Variants in STKLD1 observed in about 807,000 individuals in gnomAD.
STKLD1 encodes the protein serine/threonine kinase-like domain-containing protein STKLD1.
A neutral mutation model predicts 80.4 loss-of-function variants in STKLD1; 79 were observed. That is an observed-to-expected ratio of 0.98 (90% CI 0.82 to 1.19). The LOEUF (loss-of-function observed/expected upper bound fraction) is 1.19, where lower values mean the gene tolerates loss of function less well. Among genes scored for constraint, STKLD1 ranks in the 50% most tolerant of loss-of-function variants. STKLD1 has a pLI of 0.00. For missense variants in STKLD1, 841 were observed against 856.0 expected, an observed-to-expected ratio of 0.98 and a Z score of 0.22; for synonymous variants, 393 against 357.6, an observed-to-expected ratio of 1.10 and a Z score of -1.12.
In STKLD1 at chr9:133,379,471, A is replaced by G. The variant is rs2130261102; in HGVS notation, c.174+349A>G. 1.3e-5 allele frequency among the ~76,000 whole-genome samples: 2 copies of G among 152,368 alleles called. 1 individual carries two copies. The highest frequency in any genetic ancestry group is 6.8e-3 in the Middle Eastern group (2 of 294). On this transcript the variant is annotated intron_variant, in intron 2 of 17. Coordinates refer to ENST00000371957, the MANE Select transcript of STKLD1 (RefSeq NM_153710.5). ...ACAGTGAGGCTCAATGCAGCGCCAG[A>G]CTAGGCAAGGTCACACAATTTCCAA...
chr9:133,400,289 T>C lies in STKLD1; in HGVS notation c.1082-124T>C, dbSNP rs1331033402. 4.3e-6 allele frequency: 3 copies of C among 696,768 alleles called. No individual in the cohort carries two copies. In the Admixed American group the frequency reaches 6.3e-5, roughly 15 times the overall value. 43.2% of individuals were successfully genotyped at this position (696,768 alleles called of 1,614,324 possible). The stretch of plus-strand genomic sequence containing the variant: ...ACCTAGCGCTAATCCTCATTGTCCT[T>C]CCCCCTTCTATTCACCCACCTAGGG... On this transcript the variant is annotated intron_variant, in intron 11 of 17. Coordinates refer to ENST00000371957, the MANE Select transcript of STKLD1 (RefSeq NM_153710.5).
Position 133,385,623 on chromosome 9 carries a change from C to G in STKLD1, c.226C>G (p.Pro76Ala). 6.2e-7 allele frequency: 1 copy of G among 1,613,296 alleles called. No individual in the cohort carries two copies. Among genetic ancestry groups the G allele is most frequent in the South Asian group, 1.1e-5 (1 of 91,084 alleles). Reference protein sequence around the residue: ...YASQALEELMPLLKLRHAHIS... With the variant: ...YASQALEELMALLKLRHAHIS... The stretch of plus-strand genomic sequence containing the variant: ...CTCTGCTCTATCCTGGCAGCTGATG[C>G]CACTGCTGAAGCTGCGGCACGCCCA... The change falls in exon 4 of 18, where the codon CCA becomes GCA. Residue 76 changes from proline to alanine, a missense_variant. By Grantham distance (27) the Pro-to-Ala change is conservative (BLOSUM62 -1). Coordinates refer to ENST00000371957, the MANE Select transcript of STKLD1 (RefSeq NM_153710.5). The surrounding 1 kb of genome is among the most constrained non-coding windows in gnomAD (Gnocchi z 4.9).
chr9:133,381,368 C>T (rs2130265907), intron 2 of STKLD1, among the ~76,000 whole-genome samples: 11 of 151,166 alleles, frequency 7.3e-5, no homozygotes, highest in African/African-American at 2.4e-4. Flanking sequence ...AGGCTGGTCT[C>T]GAACTCCCGA....
At chr9:133,400,186 C>T (rs1253277953) in intron 11 of STKLD1, among the ~76,000 whole-genome samples, 1 of 152,160 alleles carries the variant, frequency 6.6e-6, no homozygotes, top group Non-Finnish European at 1.5e-5. Flanking sequence ...GGAGGGCAGC[C>T]TTGGGAGGGG....
In STKLD1 at chr9:133,405,454, T is replaced by G. The variant is rs1308513422; in HGVS notation, c.*33T>G. 6.4e-7 allele frequency: 1 copy of G among 1,561,052 alleles called. No homozygotes were observed. Among genetic ancestry groups the G allele is most frequent in the Non-Finnish European group, 8.6e-7 (1 of 1,157,850 alleles). ...TATGGAACTGACCTTGATCTCCACGTGTATAGTTTTCAAGACTGCTCTCCT... is the reference window on the plus strand; with the variant it reads ...TATGGAACTGACCTTGATCTCCACGGGTATAGTTTTCAAGACTGCTCTCCT... On this transcript the variant is annotated 3_prime_UTR_variant, in exon 18 of 18. Transcript: ENST00000371957.
At position 133,385,213 on chromosome 9, in the gene STKLD1, C is replaced by T. The variant is rs149107743; in HGVS notation, c.220-404C>T. ...TTTGGGCATGTTTCAAAGCACTTTC[C>T]GCCAGGGCAGGGGCACCGGGACCTC... is the stretch of plus-strand genomic sequence containing the variant. On this transcript the variant is annotated intron_variant, in intron 3 of 17. Transcript: ENST00000371957. This position sits in a 1 kb window ranked among gnomAD's most constrained non-coding sequence, Gnocchi z 4.9. Among the ~76,000 whole-genome samples, 8 of 152,296 alleles carry T rather than the reference C, an allele frequency of 5.3e-5. No individual in the cohort carries two copies. Among genetic ancestry groups the T allele is most frequent in the South Asian group, 2.1e-4 (1 of 4,830 alleles).
At chr9:133,387,185 C>T (rs2130278960) in intron 4 of STKLD1, among the ~76,000 whole-genome samples, 1 of 152,046 alleles carries the variant, frequency 6.6e-6, no homozygotes, top group Non-Finnish European at 1.5e-5. Context: ...TGTGCAGTGG[C>T]CAGGGGACAA....
At position 133,390,865 on chromosome 9, in the gene STKLD1, C is replaced by G. The variant is rs1300056552; in HGVS notation, c.583+69C>G. ...TAGAATCCAGGCGGCGTTGGCCACTCTGGGTGCTGGAGTGAGGCAACATCA... is the reference window on the plus strand; with the variant it reads ...TAGAATCCAGGCGGCGTTGGCCACTGTGGGTGCTGGAGTGAGGCAACATCA... On this transcript the variant is annotated intron_variant, in intron 7 of 17. Coordinates refer to ENST00000371957, the MANE Select transcript of STKLD1 (RefSeq NM_153710.5). The surrounding 1 kb of genome is among the most constrained non-coding windows in gnomAD (Gnocchi z 5.1). 1 of 1,217,438 alleles carries G rather than the reference C, an allele frequency of 8.2e-7. No individual in the cohort carries two copies. The highest frequency in any genetic ancestry group is 1.2e-6 in the Non-Finnish European group (1 of 821,944). 75.4% of individuals were successfully genotyped at this position (1,217,438 alleles called of 1,614,324 possible).
chr9:133,400,469 G>A lies in STKLD1; in HGVS notation c.1138G>A (p.Asp380Asn), dbSNP rs782232968. 1.9e-6 allele frequency: 3 copies of A among 1,613,512 alleles called. No individual in the cohort carries two copies. The highest frequency in any genetic ancestry group is 3.3e-5 in the Admixed American group (2 of 60,030). The change falls in exon 12 of 18, where the codon GAC becomes AAC. Residue 380 changes from aspartate (D) to asparagine (N), a missense_variant. By Grantham distance (23) the Asp-to-Asn change is conservative. Coordinates refer to ENST00000371957, the MANE Select transcript of STKLD1 (RefSeq NM_153710.5). ...GGTGGTCACGACCATGGAGCTACAT[G>A]ACAGGGTCCTCGATGTCCAGCTGTG... ...EVVVTTMELHDRVLDVQLCAC... is the reference protein window; with the variant it reads ...EVVVTTMELHNRVLDVQLCAC...
Position 133,376,496 on chromosome 9 carries a change from G to A in STKLD1, c.23G>A (p.Arg8His). Reference sequence around the variant, plus strand: ...ATCATGCTTGGGCCAGGGTCCAATCGCAGGCGCCCCACGCAGGGGGAGCGA... The same window carrying A: ...ATCATGCTTGGGCCAGGGTCCAATCACAGGCGCCCCACGCAGGGGGAGCGA... MLGPGSN[R>H]RRPTQGERGP... Residue 8 changes from arginine (R) to histidine (H), a missense_variant, in exon 1 of 18, where the codon CGC (arginine) becomes CAC (histidine). Physicochemically the swap from Arg to His is conservative, Grantham distance 29. Transcript: ENST00000371957. The A allele has an allele frequency of 6.3e-7, 1 of 1,596,248 alleles. No homozygotes were observed. Among genetic ancestry groups the A allele is most frequent in the African/African-American group, 1.3e-5 (1 of 74,474 alleles).
At chr9:133,400,135 G>A (rs1297512015) in intron 11 of STKLD1, among the ~76,000 whole-genome samples, 1 of 152,186 alleles carries the variant, frequency 6.6e-6, no homozygotes, top group East Asian at 1.9e-4. Flanking sequence ...TGAAGAGCAG[G>A]TGCTTTCATC....
intron 5 of STKLD1, 103 bp downstream of exon 5, chr9:133,387,651 C>A: frequency 2.3e-6 from 2 of 886,116 alleles, no homozygotes; most frequent in Non-Finnish European, 3.8e-6. Context: ...ACCATGGAGT[C>A]CAGCCTTGTT....
rs1554777440 is a variant in STKLD1, at chr9:133,400,496, G to C, written c.1165G>C (p.Ala389Pro). ...HDRVLDVQLC[A>P]CSLLLHLLGQ... is the part of the protein sequence containing the mutation. ...CAGGGTCCTCGATGTCCAGCTGTGT[G>C]CCTGCTCCCTGCTGCTGCACCTCCT... is the stretch of plus-strand genomic sequence containing the variant. The change falls in exon 12 of 18, where the codon GCC (alanine) becomes CCC (proline). Residue 389 changes from alanine to proline, a missense_variant. By Grantham distance (27) the Ala-to-Pro change is conservative. Transcript: ENST00000371957. 5 of 1,613,292 alleles carry C rather than the reference G, an allele frequency of 3.1e-6. No homozygotes were observed. The highest frequency in any genetic ancestry group is 4.2e-6 in the Non-Finnish European group (5 of 1,179,976).
chr9:133,378,922 C>A, intron 1 of STKLD1, 114 bp from the exon 2 acceptor site: 1 of 873,886 alleles, frequency 1.1e-6, no homozygotes, highest in Non-Finnish European at 1.8e-6. Context: ...GAGCCACTTG[C>A]TCTGCCAGCC....
chr9:133,382,348 G>A (rs2130268229), intron 2 of STKLD1, among the ~76,000 whole-genome samples: 5 of 152,198 alleles, frequency 3.3e-5, no homozygotes, highest in African/African-American at 1.2e-4. Flanking sequence ...TGTTCTCATT[G>A]CTCTAAGTAT....
At chr9:133,391,265 C>T (rs1189421391) in intron 7 of STKLD1, among the ~76,000 whole-genome samples, 10 of 148,444 alleles carry the variant, frequency 6.7e-5, no homozygotes, top group South Asian at 2.1e-4. Context: ...CCCGGCCAGC[C>T]GCCCCGTCAG....
rs201001539 is a variant in STKLD1, at chr9:133,398,040, C to T, written c.1066C>T (p.Pro356Ser). The change falls in exon 11 of 18, where the codon CCT becomes TCT. Residue 356 changes from proline to serine, a missense_variant. Pro to Ser is a moderately conservative substitution (Grantham distance 74). Transcript: ENST00000371957. ...GGCCATGAAGAGGCTTCTGAAAATGCCTGCAGATCAGCTAGGTAGGCCCCA... is the reference window on the plus strand; with the variant it reads ...GGCCATGAAGAGGCTTCTGAAAATGTCTGCAGATCAGCTAGGTAGGCCCCA... ...LRAMKRLLKM[P>S]ADQLGLPWPP... The T allele has an allele frequency of 6.2e-6, 10 of 1,613,602 alleles. No homozygotes were observed. The highest frequency in any genetic ancestry group is 8.5e-6 in the Non-Finnish European group (10 of 1,179,912).
At chr9:133,386,138 T>C (rs1838260429) in intron 4 of STKLD1, among the ~76,000 whole-genome samples, 2 of 152,266 alleles carry the variant, frequency 1.3e-5, no homozygotes, top group South Asian at 4.1e-4. Context: ...GGGCTGGTGT[T>C]GAACTCCTGA....
chr9:133,399,165 C>T (rs1293986799), intron 11 of STKLD1, among the ~76,000 whole-genome samples: 1 of 152,204 alleles, frequency 6.6e-6, no homozygotes, highest in Non-Finnish European at 1.5e-5. Flanking sequence ...ATTTTTAAAA[C>T]ATTTGTGCCA....
Sources: gnomAD v4.1 joint callset for allele counts (sites outside exome capture counted in the v4.1 genomes callset) on GRCh38, gnomAD v4.1.1 for gene constraint, Gnocchi (gnomAD v3.1) non-coding constraint, MANE v1.5 for transcripts, NCBI Gene and HGNC (gene_info 2026-07-23, HGNC 2026-07-21) for gene names.